Variants in AKAP13 observed in about 807,000 individuals in gnomAD.
AKAP13 encodes the protein A-kinase anchoring protein 13, also known as A-kinase anchor protein 13.
Under a neutral mutation model 264.5 loss-of-function variants are expected in AKAP13, and 80 were observed. The observed-to-expected ratio is 0.30, with a 90% CI of 0.25 to 0.36. The LOEUF is 0.36. AKAP13 is among the 10% of genes least tolerant of loss of function. The pLI is 1.00. For missense variants in AKAP13, 3,712 were observed against 3,435.2 expected (o/e 1.08, Z -2.01); for synonymous variants, 1,380 against 1,250.2 (o/e 1.10, Z -2.19).
rs369836283 is a variant in AKAP13, at chr15:85,709,266, C to T, written c.5532+1180C>T. On this transcript the variant is annotated intron_variant, in intron 18 of 36. Transcript: ENST00000394518. ...ATAGTACTTATCACCTTCTTAGAGT[C>T]TGTATTTACCCATCTTTATTTATTA... Among the ~76,000 whole-genome samples the T allele has an allele frequency of 1.1e-4, 16 of 152,264 alleles. 1 individual carries two copies. In the East Asian group the frequency reaches 3.1e-3, roughly 29 times the overall value.
chr15:85,489,526 G>A (rs1364159866), intron 2 of AKAP13, among the ~76,000 whole-genome samples: 4 of 152,188 alleles, frequency 2.6e-5, no homozygotes, highest in African/African-American at 9.7e-5. Context: ...TGAGCAGGGT[G>A]GTGGGGGAAG....
At chr15:85,531,416 A>G (rs1420522496) in intron 3 of AKAP13, among the ~76,000 whole-genome samples, 1 of 152,186 alleles carries the variant, frequency 6.6e-6, no homozygotes, top group Non-Finnish European at 1.5e-5. Context: ...TAGTGCCTGG[A>G]CTTGATGGAT....
At chr15:85,518,877 A>G (rs2076704479) in intron 2 of AKAP13, among the ~76,000 whole-genome samples, 1 of 152,242 alleles carries the variant, frequency 6.6e-6, no homozygotes, top group Non-Finnish European at 1.5e-5. Context: ...TTTAAAACTT[A>G]CTTGTAAAAA....
intron 5 of AKAP13, among the ~76,000 whole-genome samples, chr15:85,553,299 G>A (rs1278629413): frequency 6.6e-6 from 1 of 151,954 alleles, no homozygotes; most frequent in Non-Finnish European, 1.5e-5. Context: ...TATTAACCAG[G>A]CTGGTCTTGA....
At position 85,723,227 on chromosome 15, in the gene AKAP13, A is replaced by G. The variant is rs745556360; in HGVS notation, c.6652A>G (p.Ser2218Gly). ...TDSKSIMRMK[S>G]GQMFAKEDLK... ...TAGCAAGTCAATCATGAGGATGAAG[A>G]GTGGTCAGATGTTTGCCAAGGAAGA... is the stretch of plus-strand genomic sequence containing the variant. Residue 2218 changes from serine (S) to glycine (G), a missense_variant, in exon 26 of 37, where the codon AGT becomes GGT. Physicochemically the swap from Ser to Gly is moderately conservative, Grantham distance 56 (BLOSUM62 0). Around this residue, in one of 3 missense-constraint regions of AKAP13, gnomAD observed 342 missense variants for 484.3 expected, o/e 0.71. Transcript: ENST00000394518. 5.0e-6 allele frequency: 8 copies of G among 1,614,192 alleles called. No homozygotes were observed. Among genetic ancestry groups the G allele is most frequent in the Non-Finnish European group, 6.8e-6 (8 of 1,180,014 alleles).
At chr15:85,669,110 C>T (rs1472757143) in intron 13 of AKAP13, among the ~76,000 whole-genome samples, 3 of 152,110 alleles carry the variant, frequency 2.0e-5, no homozygotes, top group African/African-American at 7.2e-5. Context: ...GTGGCGCGCA[C>T]CTGTAATCCC....
intron 8 of AKAP13, chr15:85,627,430 A>G (rs976876507): frequency 2.0e-5 from 3 of 152,196 alleles, no homozygotes; most frequent in African/African-American, 7.2e-5. Flanking sequence ...CTACCTCTAG[A>G]CTAGACTAGT....
At chr15:85,480,527 T>C (rs887754034) in intron 1 of AKAP13, among the ~76,000 whole-genome samples, 1 of 152,064 alleles carries the variant, frequency 6.6e-6, no homozygotes, top group African/African-American at 2.4e-5. Context: ...ATACAGTTAA[T>C]TGTAGAGGAC....
At chr15:85,544,275 T>C (rs2077662045) in intron 5 of AKAP13, 1 of 425,202 alleles carries the variant, frequency 2.4e-6, no homozygotes, top group Admixed American at 3.0e-5. Context: ...ATTACCAATG[T>C]ATACAGTTTA....
intron 2 of AKAP13, among the ~76,000 whole-genome samples, chr15:85,487,881 G>C (rs1170309827): frequency 6.6e-6 from 1 of 151,178 alleles, no homozygotes; most frequent in Non-Finnish European, 1.5e-5. Context: ...ACAGGTGTGC[G>C]CCATCATGCC....
intron 8 of AKAP13, among the ~76,000 whole-genome samples, chr15:85,588,512 T>C (rs1343253006): frequency 6.6e-6 from 1 of 152,226 alleles, no homozygotes; most frequent in African/African-American, 2.4e-5. Context: ...TTAGAGTCAT[T>C]GAATCCAGGC....
chr15:85,494,440 A>G (rs1486303823), intron 2 of AKAP13, among the ~76,000 whole-genome samples: 2 of 152,202 alleles, frequency 1.3e-5, no homozygotes, highest in Non-Finnish European at 2.9e-5. Context: ...AATAGCTGTC[A>G]AGAATTAGGC....
chr15:85,680,450 G>T (rs1183227057), intron 14 of AKAP13, among the ~76,000 whole-genome samples: 1 of 152,150 alleles, frequency 6.6e-6, no homozygotes, highest in Non-Finnish European at 1.5e-5. Context: ...ACCATGTGTT[G>T]TAAGTGAAAT....
chr15:85,741,292 C>T lies in AKAP13; in HGVS notation c.7855C>T (p.Leu2619=), dbSNP rs568772854. Residue 2619 remains leucine, a synonymous_variant, in exon 35 of 37, where the codon CTG becomes TTG. Transcript: ENST00000394518. ...ERELREREAL[L]AQREEEVQQG... ...GGAGCTGCGGGAGCGGGAGGCCCTC[C>T]TGGCCCAGCGCGAGGAGGAGGTGCA... 5 of 1,611,340 alleles carry T rather than the reference C, an allele frequency of 3.1e-6. No homozygotes were observed. The South Asian group carries it at 4.4e-5, about 14-fold the overall frequency.
At chr15:85,608,882 A>T (rs1251418374) in intron 8 of AKAP13, among the ~76,000 whole-genome samples, 1 of 152,212 alleles carries the variant, frequency 6.6e-6, no homozygotes, top group African/African-American at 2.4e-5. Flanking sequence ...GCCTTTCTGA[A>T]TGACAGCCTA....
At chr15:85,660,151 G>T (rs2083273336) in intron 12 of AKAP13, among the ~76,000 whole-genome samples, 1 of 151,962 alleles carries the variant, frequency 6.6e-6, no homozygotes, top group African/African-American at 2.4e-5. Flanking sequence ...CCGGGAATTT[G>T]AGACCTGCCT....
At chr15:85,647,016 A>C (rs1296277249) in intron 10 of AKAP13, among the ~76,000 whole-genome samples, 1 of 152,204 alleles carries the variant, frequency 6.6e-6, no homozygotes, top group African/African-American at 2.4e-5. Flanking sequence ...GGTTCCTTCT[A>C]GTTTTATAAT....
rs1478140906 is a variant in AKAP13, at chr15:85,741,230, A to G, written c.7793A>G (p.Lys2598Arg). The change falls in exon 35 of 37, where the codon AAG becomes AGG. Residue 2598 changes from lysine to arginine, a missense_variant. Lys to Arg is a conservative substitution (Grantham distance 26). Coordinates refer to ENST00000394518, the MANE Select transcript of AKAP13 (RefSeq NM_007200.5). ...CAGCAGGCCCAGTACCTCGAGGAGA[A>G]GCGCAGGCGCGAGCGTGAGTGGGAA... ...QKQQAQYLEE[K>R]RRREREWEAR... 1.2e-6 allele frequency: 2 copies of G among 1,609,696 alleles called. No individual in the cohort carries two copies. The highest frequency in any genetic ancestry group is 1.1e-5 in the South Asian group (1 of 90,526).
At chr15:85,648,762 G>T (rs925517069) in intron 10 of AKAP13, among the ~76,000 whole-genome samples, 3 of 152,050 alleles carry the variant, frequency 2.0e-5, no homozygotes, top group African/African-American at 7.2e-5. Context: ...TCACTTAAGT[G>T]TAGGAGGTTA....
Sources: allele counts gnomAD v4.1 joint callset (sites outside exome capture counted in the v4.1 genomes callset), GRCh38; gene constraint gnomAD v4.1.1; regional missense constraint gnomAD v4.1.1; transcripts MANE v1.5; gene names NCBI Gene and HGNC (gene_info 2026-07-23, HGNC 2026-07-21).